RALA: variants seen among roughly 807,000 people sequenced by gnomAD.
The protein encoded by RALA is ras-related protein Ral-A.
A neutral mutation model predicts 24.0 loss-of-function variants in RALA; 5 were observed. That is an observed-to-expected ratio of 0.21 (90% CI 0.11 to 0.44). The LOEUF is 0.44. Among genes scored for constraint, RALA ranks in the 20% least tolerant of loss-of-function variants. The pLI is 0.99. For synonymous variants in RALA, 77 were observed against 83.8 expected (o/e 0.92, Z 0.44); for missense variants, 95 against 241.2 (o/e 0.39, Z 4.01).
chr7:39,660,131 G>C (rs1188471663), intron 1 of RALA, among the ~76,000 whole-genome samples: 1 of 152,038 alleles, frequency 6.6e-6, no homozygotes, highest in East Asian at 1.9e-4. Context: ...AGATCACAAG[G>C]TCAGGAGTTC....
chr7:39,703,785 T>G (rs1793069730), intron 4 of RALA, among the ~76,000 whole-genome samples: 1 of 152,272 alleles, frequency 6.6e-6, no homozygotes, highest in African/African-American at 2.4e-5. Context: ...CTGAAGATCT[T>G]GGTTCCTAAA....
intron 3 of RALA, among the ~76,000 whole-genome samples, chr7:39,690,871 T>C (rs1792803548): frequency 1.3e-5 from 2 of 152,196 alleles, no homozygotes; most frequent in African/African-American, 4.8e-5. Context: ...ACTGAAGTAT[T>C]TCTCTTTAGT....
At chr7:39,686,356 A>C (rs1011641465) in intron 1 of RALA, among the ~76,000 whole-genome samples, 4 of 152,208 alleles carry the variant, frequency 2.6e-5, no homozygotes, top group African/African-American at 9.6e-5. Context: ...ATGCAGTTGT[A>C]CTGGGAAATT....
At chr7:39,699,715 A>C (rs1467788321) in intron 4 of RALA, among the ~76,000 whole-genome samples, 1 of 152,262 alleles carries the variant, frequency 6.6e-6, no homozygotes, top group Non-Finnish European at 1.5e-5. Context: ...ACACACATAC[A>C]TACACATTAT....
intron 1 of RALA, among the ~76,000 whole-genome samples, chr7:39,672,458 C>T (rs968299806): frequency 2.6e-5 from 4 of 152,168 alleles, no homozygotes; most frequent in Non-Finnish European, 5.9e-5. Flanking sequence ...CAAAAAGGTA[C>T]AGCCACTTTG....
chr7:39,681,302 C>CTTTTTTTTTTTTTTTTT lies in RALA; in HGVS notation c.-37-5312_-37-5296dup, dbSNP rs70996832. On this transcript the variant is annotated intron_variant, in intron 1 of 4. Transcript: ENST00000005257. ...TCCTCAACCCAAACCCACCCTATTCCTTTTTTTTTTTTTTTTTTTTTTTTT... is the reference window on the plus strand; with the variant it reads ...TCCTCAACCCAAACCCACCCTATTCCTTTTTTTTTTTTTTTTTTTTTTTTTTTTTTTTTTTTTTTTTT... Among the ~76,000 whole-genome samples the CTTTTTTTTTTTTTTTTT allele has an allele frequency of 4.8e-4, 24 of 50,048 alleles. 3 individuals carry two copies. The highest frequency in any genetic ancestry group is 7.0e-4 in the Admixed American group (2 of 2,858). The allele number at this position is 50,048 out of a possible 152,430, so 32.8% of individuals were successfully genotyped here.
intron 1 of RALA, among the ~76,000 whole-genome samples, chr7:39,669,259 A>G (rs976137932): frequency 1.8e-4 from 27 of 152,156 alleles, no homozygotes; most frequent in Non-Finnish European, 3.1e-4. Flanking sequence ...TTTGAAGTCA[A>G]GGATCTTGAC....
chr7:39,633,347 G>C (rs1002968307), intron 1 of RALA, among the ~76,000 whole-genome samples: 1 of 152,198 alleles, frequency 6.6e-6, no homozygotes, highest in Non-Finnish European at 1.5e-5. Context: ...AATCATGGCA[G>C]AAGATGAAGC....
At chr7:39,657,873 A>T (rs1263457873) in intron 1 of RALA, among the ~76,000 whole-genome samples, 2 of 152,248 alleles carry the variant, frequency 1.3e-5, no homozygotes, top group African/African-American at 4.8e-5. Context: ...TTTTAATGAT[A>T]GTTTTAAAAG....
rs1303925973 is a variant in RALA, at chr7:39,696,799, T to C, written c.438T>C (p.Ala146=). Residue 146 remains alanine, a synonymous_variant, in exon 4 of 5, where the codon GCT becomes GCC. Coordinates refer to ENST00000005257, the MANE Select transcript of RALA (RefSeq NM_005402.4). ...CTGTAGAAGAGGCAAAAAACAGAGC[T>C]GAGCAGTGGAATGTTAACTACGTGG... ...QVSVEEAKNR[A]EQWNVNYVET... 2 of 1,613,918 alleles carry C rather than the reference T, an allele frequency of 1.2e-6. No homozygotes were observed. Among genetic ancestry groups the C allele is most frequent in the South Asian group, 1.1e-5 (1 of 91,010 alleles).
At chr7:39,681,062 C>A (rs1273967450) in intron 1 of RALA, among the ~76,000 whole-genome samples, 1 of 152,138 alleles carries the variant, frequency 6.6e-6, no homozygotes, top group Non-Finnish European at 1.5e-5. Context: ...GGTCCTAATT[C>A]TTCTGGTTCA....
rs539711133 is a variant in RALA, at chr7:39,704,598, A to G, written c.499-1525A>G. ...CTCCCAAAGTACTGGGACTACAGGC[A>G]TGAACCACCACGCCTGGCCAGTCTT... On this transcript the variant is annotated intron_variant, in intron 4 of 4. Coordinates refer to ENST00000005257, the MANE Select transcript of RALA (RefSeq NM_005402.4). Among the ~76,000 whole-genome samples the G allele has an allele frequency of 1.8e-4, 28 of 152,050 alleles. No individual in the cohort carries two copies. The East Asian group carries it at 4.9e-3, about 26-fold the overall frequency.
At chr7:39,637,496 A>C (rs572409402) in intron 1 of RALA, among the ~76,000 whole-genome samples, 68 of 152,354 alleles carry the variant, frequency 4.5e-4, no homozygotes, top group Middle Eastern at 3.4e-3. Context: ...CCTTAACAAT[A>C]GCATTTTTTG....
chr7:39,688,635 G>A (rs1792754478), intron 2 of RALA, among the ~76,000 whole-genome samples: 1 of 145,090 alleles, frequency 6.9e-6, no homozygotes, highest in African/African-American at 2.6e-5. Context: ...TGGCAGTGAT[G>A]CAGTCTCAGC....
chr7:39,656,710 A>C (rs1435808179), intron 1 of RALA, among the ~76,000 whole-genome samples: 1 of 152,228 alleles, frequency 6.6e-6, no homozygotes, highest in Non-Finnish European at 1.5e-5. Flanking sequence ...TCAGTCCTCC[A>C]GCATGACAGA....
rs552841664 is a variant in RALA at position 39,660,593 on chromosome 7, T to C, written c.-37-26038T>C. ...CTTATTGGGCCCATTCATGTGATTG[T>C]ATTTTTATGCTTACTATTAATCTAA... On this transcript the variant is annotated intron_variant, in intron 1 of 4. Coordinates refer to ENST00000005257, the MANE Select transcript of RALA (RefSeq NM_005402.4). Among the ~76,000 whole-genome samples the C allele has an allele frequency of 9.8e-5, 15 of 152,346 alleles. No homozygotes were observed. In the South Asian group the frequency reaches 3.1e-3, roughly 32 times the overall value.
At chr7:39,695,058 CAAAAAA>C (rs1230793993) in intron 3 of RALA, among the ~76,000 whole-genome samples, 1 of 139,542 alleles carries the variant, frequency 7.2e-6, no homozygotes, top group African/African-American at 2.7e-5. Context: ...GACCCTGTCT[CAAAAAA>C]AAGAAAAAAA....
intron 4 of RALA, among the ~76,000 whole-genome samples, chr7:39,699,121 A>AAT (rs1792971546): frequency 1.6e-5 from 1 of 61,372 alleles, no homozygotes; most frequent in South Asian, 7.5e-4. Context: ...TAAAAATGTT[A>AAT]TTTTTTTTTT....
At chr7:39,691,704 GA>G (rs2116085077) in intron 3 of RALA, among the ~76,000 whole-genome samples, 2 of 152,298 alleles carry the variant, frequency 1.3e-5, no homozygotes, top group East Asian at 3.9e-4. Flanking sequence ...AGGTAATTGA[GA>G]AACTCTGAAG....
Sources: allele counts gnomAD v4.1 joint callset (sites outside exome capture counted in the v4.1 genomes callset), GRCh38; gene constraint gnomAD v4.1.1; transcripts MANE v1.5; gene names NCBI Gene and HGNC (gene_info 2026-07-23, HGNC 2026-07-21).